The following DPYSL2 variants were observed in gnomAD, a reference collection of about 807,000 sequenced individuals.
DPYSL2 encodes dihydropyrimidinase like 2.
DPYSL2 carries 13 observed loss-of-function variants against 69.9 expected under a neutral mutation model. The observed-to-expected ratio is 0.19, with a 90% CI of 0.12 to 0.30. DPYSL2 has a LOEUF of 0.30. DPYSL2 is among the 10% of genes least tolerant of loss of function. DPYSL2 has a pLI of 1.00. For missense variants in DPYSL2, 587 were observed against 918.9 expected (o/e 0.64, Z 4.67); for synonymous variants, 326 against 359.1 (o/e 0.91, Z 1.04).
intron 1 of DPYSL2, among the ~76,000 whole-genome samples, chr8:26,569,443 T>G (rs150718920): frequency 2.8e-4 from 41 of 148,280 alleles, no homozygotes; most frequent in African/African-American, 1.0e-3. Flanking sequence ...CAGGTGCATA[T>G]CTGGGAGGCA....
At chr8:26,548,123 G>A (rs12543392) in intron 1 of DPYSL2, 80,063 of 214,222 alleles carry the variant, frequency 0.37, 17,898 homozygotes, top group East Asian at 0.67. Flanking sequence ...TCCGGGAGAA[G>A]GTGCTGGAGA....
intron 1 of DPYSL2, among the ~76,000 whole-genome samples, chr8:26,557,029 A>G (rs1800999725): frequency 6.6e-6 from 1 of 152,148 alleles, no homozygotes. Flanking sequence ...CCATGCAAAA[A>G]CATAAATCTA....
At chr8:26,622,498 A>G (rs327220) in intron 3 of DPYSL2, among the ~76,000 whole-genome samples, 36,038 of 136,114 alleles carry the variant, frequency 0.26, 4,947 homozygotes, top group African/African-American at 0.38. Context: ...GTGTGTGTGT[A>G]TATATATATT....
In DPYSL2 at chr8:26,514,169, C is replaced by T. The variant is rs1390380239; in HGVS notation, c.-157C>T. 5.4e-6 allele frequency: 3 copies of T among 559,254 alleles called. No individual in the cohort carries two copies. Among genetic ancestry groups the T allele is most frequent in the African/African-American group, 2.0e-5 (1 of 50,890 alleles). The allele number at this position is 559,254 out of a possible 1,614,324, so 34.6% of individuals were successfully genotyped here. ...GGGGAGGGACCGGGAGGGTGGGTCG[C>T]CGGCTCGCCAGCCCTCCTTCCTTTC... On this transcript the variant is annotated 5_prime_UTR_variant, in exon 1 of 14. Coordinates refer to ENST00000521913, the MANE Select transcript of DPYSL2 (RefSeq NM_001197293.3). The surrounding 1 kb of genome is among the most constrained non-coding windows in gnomAD (Gnocchi z 8.4).
At chr8:26,583,329 C>CT (rs71553807) in intron 2 of DPYSL2, among the ~76,000 whole-genome samples, 16,086 of 138,936 alleles carry the variant, frequency 0.12, 943 homozygotes, top group Middle Eastern at 0.16. Context: ...ATAGTGTTCA[C>CT]TTTTTTTTTT....
At chr8:26,592,775 C>T (rs1801772578) in intron 3 of DPYSL2, among the ~76,000 whole-genome samples, 1 of 152,134 alleles carries the variant, frequency 6.6e-6, no homozygotes. Context: ...CTGTGCCCGG[C>T]CGGTACATTA....
Position 26,626,707 on chromosome 8 carries a change from A to G in DPYSL2, c.855+29A>G, listed in dbSNP as rs750551406. On this transcript the variant is annotated intron_variant, in intron 5 of 13. Coordinates refer to ENST00000521913, the MANE Select transcript of DPYSL2 (RefSeq NM_001197293.3). This position sits in a 1 kb window ranked among gnomAD's most constrained non-coding sequence, Gnocchi z 4.3. ...AGAAAGTCGGCTTTTCGGAAGAGGCACCCTGACATTTGGTACCTTCAGGCT... is the reference window on the plus strand; with the variant it reads ...AGAAAGTCGGCTTTTCGGAAGAGGCGCCCTGACATTTGGTACCTTCAGGCT... The G allele has an allele frequency of 1.9e-6, 3 of 1,612,142 alleles. No homozygotes were observed. In the African/African-American group the frequency reaches 4.0e-5, roughly 22 times the overall value.
rs1802429962 is a variant in DPYSL2 at position 26,619,325 on chromosome 8, C to T, written c.629-4818C>T. ...AACATTTGGAGGCATTTCATGGACACGTTTCTGAGTGTTATGAGCTCTTGA... is the reference window on the plus strand; with the variant it reads ...AACATTTGGAGGCATTTCATGGACATGTTTCTGAGTGTTATGAGCTCTTGA... On this transcript the variant is annotated intron_variant, in intron 3 of 13. Transcript: ENST00000521913. The surrounding 1 kb of genome is among the most constrained non-coding windows in gnomAD (Gnocchi z 4.8). 6.6e-6 allele frequency among the ~76,000 whole-genome samples: 1 copy of T among 152,176 alleles called. No individual in the cohort carries two copies. The highest frequency in any genetic ancestry group is 2.1e-4 in the South Asian group (1 of 4,834).
In DPYSL2 at chr8:26,597,043, A is replaced by G. The variant is rs955092782; in HGVS notation, c.628+13060A>G. 2.0e-5 allele frequency among the ~76,000 whole-genome samples: 3 copies of G among 152,198 alleles called. No homozygotes were observed. The highest frequency in any genetic ancestry group is 7.2e-5 in the African/African-American group (3 of 41,438). On this transcript the variant is annotated intron_variant, in intron 3 of 13. Transcript: ENST00000521913. This position sits in a 1 kb window ranked among gnomAD's most constrained non-coding sequence, Gnocchi z 5.2. ...TTTAAAAGTACTTTTTCTGTAATAT[A>G]TAGGCAGAAAATGATCAGATATCAT...
Position 26,580,291 on chromosome 8 carries a change from G to A in DPYSL2, c.355-1678G>A, listed in dbSNP as rs1005880265. On this transcript the variant is annotated intron_variant, in intron 1 of 13. Coordinates refer to ENST00000521913, the MANE Select transcript of DPYSL2 (RefSeq NM_001197293.3). The surrounding 1 kb of genome is among the most constrained non-coding windows in gnomAD (Gnocchi z 4.1). ...AGACAGAGGACAAGTGCACTGATTT[G>A]AGTGACCTGGGCAAGTGGCCTAACC... 4.6e-5 allele frequency among the ~76,000 whole-genome samples: 7 copies of A among 152,306 alleles called. No homozygotes were observed. Among genetic ancestry groups the A allele is most frequent in the African/African-American group, 1.7e-4 (7 of 41,566 alleles).
chr8:26,570,301 A>T (rs1801215944), intron 1 of DPYSL2, among the ~76,000 whole-genome samples: 1 of 152,188 alleles, frequency 6.6e-6, no homozygotes, highest in South Asian at 2.1e-4. Flanking sequence ...AAAGAGATGG[A>T]GAATTGATTT....
At chr8:26,623,724 G>C (rs1802550349) in intron 3 of DPYSL2, 1 of 169,462 alleles carries the variant, frequency 5.9e-6, no homozygotes, top group African/African-American at 2.4e-5. Context: ...GGTCCGTGTG[G>C]CTCTGCTCCA....
In DPYSL2 at chr8:26,603,363, G is replaced by C. The variant is rs188978650; in HGVS notation, c.628+19380G>C. 4.0e-3 allele frequency among the ~76,000 whole-genome samples: 613 copies of C among 152,206 alleles called. 6 individuals carry two copies. The highest frequency in any genetic ancestry group is 0.014 in the African/African-American group (592 of 41,536). On this transcript the variant is annotated intron_variant, in intron 3 of 13. Transcript: ENST00000521913. Reference sequence around the variant, plus strand: ...AATTTTTGTATTTTTAGTAGAGACGGGGTTTCACCATATTGGCCAGGCTGG... The same window carrying C: ...AATTTTTGTATTTTTAGTAGAGACGCGGTTTCACCATATTGGCCAGGCTGG...
chr8:26,624,345 C>T lies in DPYSL2; in HGVS notation c.793+38C>T. On this transcript the variant is annotated intron_variant, in intron 4 of 13. Coordinates refer to ENST00000521913, the MANE Select transcript of DPYSL2 (RefSeq NM_001197293.3). The surrounding 1 kb of genome is among the most constrained non-coding windows in gnomAD (Gnocchi z 4.7). ...GAGTCAATGCCCTCTGCAGATGTTT[C>T]CGCTTCAGTCCATCAACTGGCACAG... 3 of 1,601,668 alleles carry T rather than the reference C, an allele frequency of 1.9e-6. No individual in the cohort carries two copies. The highest frequency in any genetic ancestry group is 3.4e-5 in the Admixed American group (2 of 59,422).
chr8:26,558,914 A>G (rs1801030993), intron 1 of DPYSL2, among the ~76,000 whole-genome samples: 1 of 152,310 alleles, frequency 6.6e-6, no homozygotes, highest in Non-Finnish European at 1.5e-5. Flanking sequence ...ACAATTCTCC[A>G]TTGTTTTTAC....
intron 1 of DPYSL2, among the ~76,000 whole-genome samples, chr8:26,518,088 A>G (rs1216482338): frequency 3.3e-5 from 5 of 152,226 alleles, no homozygotes; most frequent in Admixed American, 6.5e-5. Flanking sequence ...AGAAATTCCA[A>G]TGATTAAAGC....
At position 26,654,982 on chromosome 8, in the gene DPYSL2, C is replaced by A. The variant is rs1057366907; in HGVS notation, c.1943-633C>A. ...TCAGCCTCCCCAGTAGCTGGTACTA[C>A]AGGCTTGCACCATCACGCCTGGCTA... On this transcript the variant is annotated intron_variant, in intron 13 of 13. Transcript: ENST00000521913. This position sits in a 1 kb window ranked among gnomAD's most constrained non-coding sequence, Gnocchi z 5.0. Among the ~76,000 whole-genome samples the A allele has an allele frequency of 6.6e-6, 1 of 152,098 alleles. No individual in the cohort carries two copies. The highest frequency in any genetic ancestry group is 6.5e-5 in the Admixed American group (1 of 15,276).
intron 3 of DPYSL2, among the ~76,000 whole-genome samples, chr8:26,611,045 T>C (rs1181866344): frequency 1.3e-5 from 2 of 152,188 alleles, no homozygotes; most frequent in Admixed American, 6.5e-5. Context: ...GTAGGCACTG[T>C]TGCCATTTCT....
At chr8:26,544,972 T>C (rs1188203536) in intron 1 of DPYSL2, among the ~76,000 whole-genome samples, 1 of 152,106 alleles carries the variant, frequency 6.6e-6, no homozygotes, top group Non-Finnish European at 1.5e-5. Context: ...AATATAACAA[T>C]CATATACACA....
Sources: gnomAD v4.1 joint callset for allele counts (sites outside exome capture counted in the v4.1 genomes callset) on GRCh38, gnomAD v4.1.1 for gene constraint, Gnocchi (gnomAD v3.1) non-coding constraint, MANE v1.5 for transcripts, NCBI Gene and HGNC (gene_info 2026-07-23, HGNC 2026-07-21) for gene names.